SNX32: variants seen among roughly 807,000 people sequenced by gnomAD.
SNX32 encodes sorting nexin 32, also known as sorting nexin-32.
SNX32 carries 58 observed loss-of-function variants against 57.0 expected under a neutral mutation model. The ratio of observed to expected loss-of-function variants is 1.02; its 90% CI spans 0.82 to 1.27. The LOEUF is 1.27. SNX32 is among the 50% of genes most tolerant of loss of function. The pLI, the probability that SNX32 is intolerant of heterozygous loss-of-function variation, is 0.00. For synonymous variants in SNX32, 262 were observed against 220.4 expected (o/e 1.19, Z -1.67); for missense variants, 589 against 541.2 (o/e 1.09, Z -0.88).
In SNX32 at chr11:65,850,747, T is replaced by G; in HGVS notation, c.499-4T>G. 1 of 1,613,668 alleles carries G rather than the reference T, an allele frequency of 6.2e-7. No homozygotes were observed. The highest frequency in any genetic ancestry group is 8.5e-7 in the Non-Finnish European group (1 of 1,179,696). Reference sequence around the variant, plus strand: ...CAGCATCATACCCTCCCTGTGTGCCTCAGCTGAGTGTCCGGGGGAAGAACA... The same window carrying G: ...CAGCATCATACCCTCCCTGTGTGCCGCAGCTGAGTGTCCGGGGGAAGAACA... On this transcript the variant is annotated splice_region_variant and splice_polypyrimidine_tract_variant and intron_variant, in intron 5 of 12. Transcript: ENST00000308342.
chr11:65,849,855 G>A, intron 2 of SNX32, 65 bp from the exon 3 acceptor site: 2 of 1,363,956 alleles, frequency 1.5e-6, no homozygotes, highest in Non-Finnish European at 1.0e-6. Flanking sequence ...AAAAGTGCAT[G>A]CCCAGACTTG....
At chr11:65,851,610 T>TA (rs1565254688) in intron 8 of SNX32, 30 bp from the exon 9 acceptor site, 1 of 1,613,658 alleles carries the variant, frequency 6.2e-7, no homozygotes, top group East Asian at 2.2e-5. Flanking sequence ...CTCAGCCCCC[T>TA]ACCCTAACTC....
chr11:65,834,435 C>CTG (rs540521146), intron 1 of SNX32, among the ~76,000 whole-genome samples: 16 of 142,108 alleles, frequency 1.1e-4, no homozygotes, highest in East Asian at 4.3e-4. Flanking sequence ...CTCCGTGTCT[C>CTG]TGTGTGTGTG....
In SNX32 at chr11:65,852,868, T is replaced by A. The variant is rs767191029; in HGVS notation, c.1073-5T>A. ...GATCCCCATGCCTCTTCCCCTCCTC[T>A]CCAGAGCTCATGGACTTCAAGTCCC... On this transcript the variant is annotated splice_region_variant and splice_polypyrimidine_tract_variant and intron_variant, in intron 11 of 12. Transcript: ENST00000308342. The A allele has an allele frequency of 1.2e-5, 20 of 1,613,844 alleles. No homozygotes were observed. Among genetic ancestry groups the A allele is most frequent in the Admixed American group, 1.7e-5 (1 of 59,996 alleles).
At chr11:65,844,607 A>G (rs1384745414) in intron 1 of SNX32, among the ~76,000 whole-genome samples, 1 of 152,202 alleles carries the variant, frequency 6.6e-6, no homozygotes, top group Non-Finnish European at 1.5e-5. Flanking sequence ...TTTTAAACAT[A>G]CAATATGTCT....
intron 8 of SNX32, 74 bp downstream of exon 8, chr11:65,851,477 A>G: frequency 6.4e-7 from 1 of 1,560,288 alleles, no homozygotes; most frequent in Non-Finnish European, 8.8e-7. Context: ...GTCACTCTGT[A>G]GATGTCTACT....
At chr11:65,834,235 T>G (rs1858587389) in intron 1 of SNX32, 134 bp downstream of exon 1, 1 of 1,008,082 alleles carries the variant, frequency 9.9e-7, no homozygotes, top group African/African-American at 1.7e-5. Flanking sequence ...TGTGTCTGTG[T>G]GTGTATAGTC....
intron 1 of SNX32, among the ~76,000 whole-genome samples, chr11:65,835,225 A>T (rs1858634827): frequency 6.6e-6 from 1 of 151,892 alleles, no homozygotes; most frequent in Non-Finnish European, 1.5e-5. Context: ...TGAGGATGCC[A>T]AGGGAGGCAG....
intron 1 of SNX32, 25 bp downstream of exon 1, chr11:65,834,126 C>A (rs753243723): frequency 3.2e-6 from 5 of 1,549,606 alleles, no homozygotes; most frequent in Non-Finnish European, 4.4e-6. Flanking sequence ...AAGACCCCCA[C>A]CCCAGCCTCC....
rs746982362 is a variant in SNX32, at chr11:65,852,488, C to T, written c.849C>T (p.Ser283=). 15 of 1,614,074 alleles carry T rather than the reference C, an allele frequency of 9.3e-6. No individual in the cohort carries two copies. Among genetic ancestry groups the T allele is most frequent in the East Asian group, 4.5e-5 (2 of 44,904 alleles). ...AGAAGCTGGAGGGCCGGGTGGCTTC[C>T]GATGAGGACCTGAAGCTGTCAGACA... ...RLRKLEGRVA[S]DEDLKLSDML... The change falls in exon 10 of 13, where the codon TCC becomes TCT. Residue 283 remains serine, a synonymous_variant. Coordinates refer to ENST00000308342, the MANE Select transcript of SNX32 (RefSeq NM_152760.3).
intron 1 of SNX32, among the ~76,000 whole-genome samples, chr11:65,840,465 TAAAA>T (rs1858811730): frequency 6.6e-6 from 1 of 152,118 alleles, no homozygotes; most frequent in Non-Finnish European, 1.5e-5. Context: ...AAGGAAGAAC[TAAAA>T]CTGTCATCAT....
At chr11:65,835,970 A>G (rs1403602941) in intron 1 of SNX32, among the ~76,000 whole-genome samples, 1 of 152,200 alleles carries the variant, frequency 6.6e-6, no homozygotes. Context: ...TATACATGAA[A>G]TGGTTAGAGT....
chr11:65,852,841 C>T (rs779009523), intron 11 of SNX32, 32 bp from the exon 12 acceptor site: 53 of 1,613,754 alleles, frequency 3.3e-5, no homozygotes, highest in East Asian at 3.1e-4. Context: ...CTGCCCTGCC[C>T]GGATCCCCAT....
chr11:65,842,438 G>A (rs959268538), intron 1 of SNX32, among the ~76,000 whole-genome samples: 4 of 152,196 alleles, frequency 2.6e-5, no homozygotes, highest in African/African-American at 9.7e-5. Flanking sequence ...ATCAACTGAG[G>A]TCAGGAGTTT....
At chr11:65,838,147 A>T (rs973070322) in intron 1 of SNX32, among the ~76,000 whole-genome samples, 19 of 151,300 alleles carry the variant, frequency 1.3e-4, no homozygotes, top group African/African-American at 4.6e-4. Context: ...CGGGAGTGAA[A>T]CTCTGTCAAA....
At chr11:65,852,403 C>T in intron 9 of SNX32, 62 bp from the exon 10 acceptor site, 2 of 1,414,992 alleles carry the variant, frequency 1.4e-6, no homozygotes, top group South Asian at 1.2e-5. Flanking sequence ...GAAGAGGTGC[C>T]TCCCACCCCT....
intron 1 of SNX32, among the ~76,000 whole-genome samples, chr11:65,836,611 G>T (rs528912885): frequency 1.0e-3 from 156 of 152,230 alleles, no homozygotes; most frequent in South Asian, 1.9e-3. Context: ...ACACGTGTTT[G>T]TTGCAGCACT....
intron 1 of SNX32, among the ~76,000 whole-genome samples, chr11:65,840,449 G>A (rs1025136871): frequency 2.6e-5 from 4 of 152,096 alleles, no homozygotes; most frequent in Non-Finnish European, 5.9e-5. Flanking sequence ...AGGTATAAAG[G>A]TTGGAAAGGA....
chr11:65,840,953 T>A lies in SNX32; in HGVS notation c.36+6852T>A, dbSNP rs186752384. Among the ~76,000 whole-genome samples the A allele has an allele frequency of 5.9e-5, 9 of 152,066 alleles. No individual in the cohort carries two copies. In the East Asian group the frequency reaches 1.3e-3, roughly 23 times the overall value. ...TGGTTTTTTTTTCTTTCTTTCTTTC[T>A]TTTTTTTCTGAGATGGAGTTTCACT... On this transcript the variant is annotated intron_variant, in intron 1 of 12. Transcript: ENST00000308342.
Sources: gnomAD v4.1 joint callset for allele counts (sites outside exome capture counted in the v4.1 genomes callset) on GRCh38, gnomAD v4.1.1 for gene constraint, MANE v1.5 for transcripts, NCBI Gene and HGNC (gene_info 2026-07-23, HGNC 2026-07-21) for gene names.